The following CSMD1 variants were observed in gnomAD, a reference collection of about 807,000 sequenced individuals.
CSMD1 encodes the protein CUB and Sushi multiple domains 1, also known as CUB and sushi domain-containing protein 1.
A neutral mutation model predicts 417.5 loss-of-function variants in CSMD1; 213 were observed. That is an observed-to-expected ratio of 0.51 (90% CI 0.46 to 0.57). CSMD1 has a LOEUF of 0.57. Among genes scored for constraint, CSMD1 ranks in the 20% least tolerant of loss-of-function variants. The probability of loss-of-function intolerance (pLI) is 0.00; values close to 1 mark genes in which losing one functional copy is unlikely to be tolerated. For synonymous variants in CSMD1, 2,862 were observed against 1,736.8 expected (o/e 1.65, Z -16.11); for missense variants, 6,923 against 4,529.7 (o/e 1.53, Z -15.17).
intron 49 of CSMD1, among the ~76,000 whole-genome samples, chr8:3,078,971 G>C (rs774061479): frequency 3.3e-5 from 5 of 152,254 alleles, no homozygotes; most frequent in South Asian, 2.1e-4. Flanking sequence ...TTCAAAACGG[G>C]GGGGAGCACC....
At chr8:3,388,819 A>G (rs1811166049) in intron 17 of CSMD1, among the ~76,000 whole-genome samples, 1 of 151,730 alleles carries the variant, frequency 6.6e-6, no homozygotes, top group South Asian at 2.1e-4. Context: ...GGCAACGTGG[A>G]TATCATTTGG....
chr8:3,948,854 C>T lies in CSMD1; in HGVS notation c.818+49049G>A, dbSNP rs1299372879. 3.9e-5 allele frequency among the ~76,000 whole-genome samples: 6 copies of T among 152,112 alleles called. No individual in the cohort carries two copies. The East Asian group carries it at 9.7e-4, about 24-fold the overall frequency. ...TTATTTGCAAGGGGTATCCAATTTT[C>T]AATGTTCTCATTATTCAGAAACTAA... is the stretch of plus-strand genomic sequence containing the variant. On this transcript the variant is annotated intron_variant, in intron 5 of 69. Transcript: ENST00000635120.
chr8:4,635,106 A>G (rs1031195902), intron 2 of CSMD1, among the ~76,000 whole-genome samples: 1 of 152,188 alleles, frequency 6.6e-6, no homozygotes, highest in Non-Finnish European at 1.5e-5. Flanking sequence ...ATTTCAAACA[A>G]AAAATTGTCG....
intron 23 of CSMD1, among the ~76,000 whole-genome samples, chr8:3,331,237 C>CAAAAAAAAAAAAAAAAA (rs112278319): frequency 7.8e-5 from 10 of 128,520 alleles, no homozygotes; most frequent in African/African-American, 3.2e-4. Flanking sequence ...GACTCCGTCT[C>CAAAAAAAAAAAAAAAAA]AAAAAAAAAA....
chr8:4,288,824 C>T (rs569504424), intron 3 of CSMD1, among the ~76,000 whole-genome samples: 9 of 152,250 alleles, frequency 5.9e-5, no homozygotes, highest in East Asian at 5.8e-4. Flanking sequence ...AGTCCCATTA[C>T]GTCAGTAAAG....
chr8:4,670,488 A>G (rs2130945530), intron 1 of CSMD1, among the ~76,000 whole-genome samples: 2 of 152,290 alleles, frequency 1.3e-5, no homozygotes, highest in East Asian at 1.9e-4. Context: ...AACTACTCCC[A>G]CTTGAATTCA....
At chr8:4,503,384 T>A (rs1007961607) in intron 2 of CSMD1, among the ~76,000 whole-genome samples, 8 of 152,184 alleles carry the variant, frequency 5.3e-5, no homozygotes, top group Non-Finnish European at 1.0e-4. Flanking sequence ...TTTGCTCAAC[T>A]GTTTTGAATG....
chr8:4,647,135 TA>T (rs1400128510), intron 1 of CSMD1, among the ~76,000 whole-genome samples: 1 of 152,126 alleles, frequency 6.6e-6, no homozygotes, highest in Non-Finnish European at 1.5e-5. Context: ...AATTTAAATG[TA>T]TAAAAATCAC....
chr8:4,612,581 G>A (rs1361862495), intron 2 of CSMD1, among the ~76,000 whole-genome samples: 2 of 152,270 alleles, frequency 1.3e-5, no homozygotes, highest in Middle Eastern at 3.4e-3. Context: ...ATGAATGTGT[G>A]CCTGGACCTG....
chr8:4,230,034 A>T (rs1360868160), intron 3 of CSMD1, among the ~76,000 whole-genome samples: 1 of 152,218 alleles, frequency 6.6e-6, no homozygotes, highest in Non-Finnish European at 1.5e-5. Context: ...CATTTTAAAC[A>T]TAAGAACATC....
At chr8:3,698,451 T>C (rs1252019154) in intron 7 of CSMD1, among the ~76,000 whole-genome samples, 1 of 152,224 alleles carries the variant, frequency 6.6e-6, no homozygotes, top group Non-Finnish European at 1.5e-5. Context: ...TTAATGGCGC[T>C]ATTATTTTTC....
At chr8:2,953,410 C>G (rs1341273455) in intron 65 of CSMD1, among the ~76,000 whole-genome samples, 3 of 141,488 alleles carry the variant, frequency 2.1e-5, no homozygotes, top group Non-Finnish European at 3.0e-5. Context: ...AATAGCAATA[C>G]AAATACTCTT....
chr8:4,451,021 GAAA>G (rs11344044), intron 2 of CSMD1, among the ~76,000 whole-genome samples: 7 of 150,946 alleles, frequency 4.6e-5, no homozygotes, highest in South Asian at 4.2e-4. Flanking sequence ...CCAACGTGGG[GAAA>G]AAAAAAATGG....
chr8:4,420,200 C>A, intron 2 of CSMD1, 135 bp from the exon 3 acceptor site: 1 of 540,982 alleles, frequency 1.8e-6, no homozygotes, highest in Non-Finnish European at 3.4e-6. Context: ...TTAGATAATC[C>A]ATACACATAG....
At chr8:4,303,624 CA>C (rs1372527497) in intron 3 of CSMD1, among the ~76,000 whole-genome samples, 2 of 151,866 alleles carry the variant, frequency 1.3e-5, no homozygotes, top group African/African-American at 4.8e-5. Context: ...AGAGTTCTAC[CA>C]GAGGTGACTG....
chr8:3,802,192 G>T (rs887779315), intron 5 of CSMD1, among the ~76,000 whole-genome samples: 1 of 152,084 alleles, frequency 6.6e-6, no homozygotes, highest in Non-Finnish European at 1.5e-5. Context: ...AGACATTAAA[G>T]AAGGGCTTAT....
rs1395152495 is a variant in CSMD1, at chr8:3,097,033, T to C, written c.6954A>G (p.Gln2318=). 1.9e-6 allele frequency: 3 copies of C among 1,543,246 alleles called. No homozygotes were observed. The highest frequency in any genetic ancestry group is 2.0e-5 in the Admixed American group (1 of 49,136). Residue 2318 remains glutamine (Q), a synonymous_variant, in exon 47 of 70, where the codon CAA becomes CAG. Transcript: ENST00000635120. ...FEGSLPTCEA[Q]CPANEVRTGS... ...CAGTCCGGACTTCATTTGCTGGGCA[T>C]TGTGCTGGAGAGAAAAGTACCAGCA...
intron 3 of CSMD1, among the ~76,000 whole-genome samples, chr8:4,112,746 A>G (rs7827749): frequency 0.13 from 19,421 of 152,256 alleles, 1,620 homozygotes; most frequent in Non-Finnish European, 0.19. Flanking sequence ...ATATTAAACA[A>G]TATATCCTTA....
chr8:2,987,348 G>A (rs1188344508), intron 54 of CSMD1, among the ~76,000 whole-genome samples: 1 of 149,806 alleles, frequency 6.7e-6, no homozygotes, highest in Non-Finnish European at 1.5e-5. Flanking sequence ...GCTTATGTGT[G>A]TATACATCAT....
Sources: gnomAD v4.1 joint callset for allele counts (sites outside exome capture counted in the v4.1 genomes callset) on GRCh38, gnomAD v4.1.1 for gene constraint, MANE v1.5 for transcripts, NCBI Gene and HGNC (gene_info 2026-07-23, HGNC 2026-07-21) for gene names.